Variants in NBEA observed in about 807,000 individuals in gnomAD.
The protein encoded by NBEA is lysosomal-trafficking regulator 2.
NBEA carries 44 observed loss-of-function variants against 343.4 expected under a neutral mutation model. The ratio of observed to expected loss-of-function variants is 0.13; its 90% CI spans 0.10 to 0.16. The LOEUF is 0.16. NBEA is among the 10% of genes least tolerant of loss of function. The pLI, the probability that NBEA is intolerant of heterozygous loss-of-function variation, is 1.00. For synonymous variants in NBEA, 1,175 were observed against 1,238.7 expected, an observed-to-expected ratio of 0.95 and a Z score of 1.08; for missense variants, 2,555 against 3,631.3, an observed-to-expected ratio of 0.70 and a Z score of 7.62.
intron 30 of NBEA, among the ~76,000 whole-genome samples, chr13:35,193,528 T>C (rs2072355575): frequency 2.0e-5 from 3 of 151,894 alleles, no homozygotes; most frequent in Admixed American, 2.0e-4. Flanking sequence ...CTTAGTCTTC[T>C]CCTCCTTCTC....
chr13:35,318,675 G>C (rs972643264), intron 36 of NBEA, among the ~76,000 whole-genome samples: 1 of 152,146 alleles, frequency 6.6e-6, no homozygotes, highest in South Asian at 2.1e-4. Flanking sequence ...CAGAAGGAAT[G>C]GTACCAGCTC....
chr13:35,206,538 GAA>G (rs2073407997), intron 31 of NBEA, among the ~76,000 whole-genome samples: 1 of 152,074 alleles, frequency 6.6e-6, no homozygotes, highest in Non-Finnish European at 1.5e-5. Flanking sequence ...GTTTAGAGGA[GAA>G]TTTTGATAAC....
At chr13:35,065,992 CCTT>C (rs2063639002) in intron 8 of NBEA, among the ~76,000 whole-genome samples, 2 of 152,080 alleles carry the variant, frequency 1.3e-5, no homozygotes, top group Admixed American at 1.3e-4. Flanking sequence ...CAGGGTCTCT[CCTT>C]CTGTCACCTA....
At chr13:35,227,350 T>C (rs2074711776) in intron 33 of NBEA, among the ~76,000 whole-genome samples, 1 of 152,084 alleles carries the variant, frequency 6.6e-6, no homozygotes, top group Admixed American at 6.6e-5. Flanking sequence ...CTAGTCATAA[T>C]ATATAGCTGA....
intron 38 of NBEA, among the ~76,000 whole-genome samples, chr13:35,415,014 G>C (rs2043820013): frequency 6.6e-6 from 1 of 152,046 alleles, no homozygotes; most frequent in South Asian, 2.1e-4. Flanking sequence ...TGTGTCTTTT[G>C]GCTGCATAAA....
intron 1 of NBEA, among the ~76,000 whole-genome samples, chr13:35,011,996 A>G (rs2061506263): frequency 6.6e-6 from 1 of 152,186 alleles, no homozygotes; most frequent in Non-Finnish European, 1.5e-5. Flanking sequence ...GTGAAGTTGA[A>G]GTCATAGATA....
intron 38 of NBEA, among the ~76,000 whole-genome samples, chr13:35,420,624 G>A (rs2044213267): frequency 1.3e-5 from 2 of 151,984 alleles, no homozygotes; most frequent in South Asian, 4.1e-4. Flanking sequence ...AAATTCTTCA[G>A]TGAAACTATC....
chr13:35,184,423 G>A (rs1201088908), intron 30 of NBEA, among the ~76,000 whole-genome samples: 2 of 151,938 alleles, frequency 1.3e-5, no homozygotes, highest in Non-Finnish European at 2.9e-5. Flanking sequence ...AACATGCCTT[G>A]AAAGCATCAA....
At chr13:35,234,048 T>C (rs2075106510) in intron 34 of NBEA, among the ~76,000 whole-genome samples, 1 of 152,128 alleles carries the variant, frequency 6.6e-6, no homozygotes, top group Non-Finnish European at 1.5e-5. Flanking sequence ...CCTAAAATGA[T>C]AGAAAGATGT....
chr13:35,382,160 G>T (rs1233602797), intron 38 of NBEA, among the ~76,000 whole-genome samples: 3 of 152,090 alleles, frequency 2.0e-5, no homozygotes, highest in African/African-American at 7.2e-5. Flanking sequence ...TTATCATTTA[G>T]TACTGAAAAC....
chr13:34,965,180 T>C (rs1375489025), intron 1 of NBEA, among the ~76,000 whole-genome samples: 2 of 151,974 alleles, frequency 1.3e-5, no homozygotes, highest in Non-Finnish European at 2.9e-5. Context: ...GAGCATAGCA[T>C]AGGGATGGTA....
intron 38 of NBEA, among the ~76,000 whole-genome samples, chr13:35,376,109 T>C (rs746306488): frequency 3.3e-5 from 5 of 152,150 alleles, no homozygotes; most frequent in Admixed American, 6.5e-5. Context: ...AACAAGGACC[T>C]GTTATTTCCA....
At chr13:35,514,330 C>G (rs1240620973) in intron 41 of NBEA, among the ~76,000 whole-genome samples, 1 of 152,062 alleles carries the variant, frequency 6.6e-6, no homozygotes, top group Admixed American at 6.6e-5. Context: ...CTAACAGAAC[C>G]CAGTCAGCAG....
At chr13:35,440,352 T>G (rs1173713546) in intron 39 of NBEA, among the ~76,000 whole-genome samples, 2 of 152,234 alleles carry the variant, frequency 1.3e-5, no homozygotes, top group African/African-American at 2.4e-5. Flanking sequence ...GAATCTTGCT[T>G]CTTTTAGACT....
chr13:35,587,825 T>G (rs554687066), intron 46 of NBEA, among the ~76,000 whole-genome samples: 6 of 152,264 alleles, frequency 3.9e-5, no homozygotes, highest in Non-Finnish European at 8.8e-5. Flanking sequence ...AACTTGAATC[T>G]ATGCAAGGGT....
At chr13:35,282,484 A>T (rs965638777) in intron 34 of NBEA, among the ~76,000 whole-genome samples, 2 of 152,186 alleles carry the variant, frequency 1.3e-5, no homozygotes, top group Non-Finnish European at 2.9e-5. Context: ...GAGCTCAGAG[A>T]GAAATAAAGA....
intron 44 of NBEA, among the ~76,000 whole-genome samples, chr13:35,562,869 G>A (rs980525459): frequency 6.6e-6 from 1 of 152,022 alleles, no homozygotes; most frequent in Non-Finnish European, 1.5e-5. Flanking sequence ...AGGAATTGCA[G>A]TTATAATTTC....
chr13:35,141,719 A>G (rs2068104752), intron 17 of NBEA, among the ~76,000 whole-genome samples: 1 of 152,216 alleles, frequency 6.6e-6, no homozygotes, highest in African/African-American at 2.4e-5. Flanking sequence ...AAGTAGAAAG[A>G]TATTTTTTAA....
intron 11 of NBEA, among the ~76,000 whole-genome samples, chr13:35,105,408 A>G (rs563201333): frequency 6.6e-6 from 1 of 152,124 alleles, no homozygotes; most frequent in East Asian, 1.9e-4. Context: ...ATGTCATCAG[A>G]GACCCAGGTT....
Sources: gnomAD v4.1 joint callset for allele counts (sites outside exome capture counted in the v4.1 genomes callset) on GRCh38, gnomAD v4.1.1 for gene constraint, MANE v1.5 for transcripts, NCBI Gene and HGNC (gene_info 2026-07-23, HGNC 2026-07-21) for gene names.